RYR3: variants seen among roughly 807,000 people sequenced by gnomAD.
RYR3 encodes brain ryanodine receptor-calcium release channel.
Under a neutral mutation model 584.3 loss-of-function variants are expected in RYR3, and 207 were observed. The observed-to-expected ratio is 0.35, with a 90% CI of 0.32 to 0.40. The LOEUF (loss-of-function observed/expected upper bound fraction) is 0.40, where lower values mean the gene tolerates loss of function less well. Among genes scored for constraint, RYR3 ranks in the 10% least tolerant of loss-of-function variants. The pLI is 1.00. For missense variants in RYR3, 5,616 were observed against 6,089.2 expected (o/e 0.92, Z 2.59); for synonymous variants, 2,416 against 2,248.5 (o/e 1.07, Z -2.11).
chr15:33,767,787 T>A (rs543526722), intron 60 of RYR3, among the ~76,000 whole-genome samples: 1 of 152,322 alleles, frequency 6.6e-6, no homozygotes, highest in South Asian at 2.1e-4. Flanking sequence ...GCCATGCCAG[T>A]GTCAGTAATG....
intron 77 of RYR3, 42 bp from the exon 78 acceptor site, chr15:33,820,714 T>C (rs1293843312): frequency 9.7e-6 from 15 of 1,542,078 alleles, no homozygotes; most frequent in Non-Finnish European, 1.2e-5. Context: ...TCCCTTTAAT[T>C]TGATTGTCTG....
At chr15:33,355,438 G>A (rs1024059649) in intron 1 of RYR3, among the ~76,000 whole-genome samples, 9 of 152,136 alleles carry the variant, frequency 5.9e-5, no homozygotes, top group Admixed American at 2.0e-4. Context: ...CCTATGAGAT[G>A]TATGTTATTT....
chr15:33,561,265 A>T (rs919486184), intron 10 of RYR3, among the ~76,000 whole-genome samples: 1 of 152,334 alleles, frequency 6.6e-6, no homozygotes, highest in Middle Eastern at 3.4e-3. Context: ...TTACATTATG[A>T]TGTGCTAAGT....
At chr15:33,588,604 C>T (rs931493526) in intron 16 of RYR3, among the ~76,000 whole-genome samples, 4 of 152,010 alleles carry the variant, frequency 2.6e-5, no homozygotes, top group Admixed American at 6.6e-5. Flanking sequence ...CATCATTTAC[C>T]CCCTCCCACA....
chr15:33,785,688 G>A lies in RYR3; in HGVS notation c.9295G>A (p.Asp3099Asn). ...SILGMPDTVEDMCPDIPQLEG... is the reference protein window; with the variant it reads ...SILGMPDTVENMCPDIPQLEG... ...TCTGGGGATGCCAGACACGGTAGAA[G>A]ACATGTGTCCTGACATCCCCCAGCT... The change falls in exon 66 of 104, where the codon GAC becomes AAC. Residue 3099 changes from aspartate (D) to asparagine (N), a missense_variant. Transcript: ENST00000634891. 1 of 1,607,762 alleles carries A rather than the reference G, an allele frequency of 6.2e-7. No individual in the cohort carries two copies. The highest frequency in any genetic ancestry group is 8.5e-7 in the Non-Finnish European group (1 of 1,176,606).
intron 66 of RYR3, among the ~76,000 whole-genome samples, chr15:33,787,091 C>A: frequency 6.6e-6 from 1 of 152,204 alleles, no homozygotes; most frequent in African/African-American, 2.4e-5. Flanking sequence ...GAAAGTGTCA[C>A]AACGTGAAGG....
rs776461221 is a variant in RYR3, at chr15:33,586,059, G to A, written c.1731G>A (p.Ala577=). The A allele has an allele frequency of 6.2e-6, 10 of 1,613,462 alleles. No individual in the cohort carries two copies. Among genetic ancestry groups the A allele is most frequent in the South Asian group, 4.4e-5 (4 of 91,072 alleles). ...TESPEALNLI[A]EGHIKSIISL... Reference sequence around the variant, plus strand: ...GCCCAGAAGCCTTAAATCTGATAGCGGAGGGCCACATCAAGTCGATCATCT... The same window carrying A: ...GCCCAGAAGCCTTAAATCTGATAGCAGAGGGCCACATCAAGTCGATCATCT... Residue 577 remains alanine (A), a synonymous_variant, in exon 16 of 104, where the codon GCG becomes GCA. Transcript: ENST00000634891.
At chr15:33,642,174 A>T (rs2061866791) in intron 27 of RYR3, among the ~76,000 whole-genome samples, 1 of 152,160 alleles carries the variant, frequency 6.6e-6, no homozygotes, top group African/African-American at 2.4e-5. Flanking sequence ...TTACATTGTC[A>T]TTGGGTCTGT....
intron 4 of RYR3, 147 bp from the exon 5 acceptor site, chr15:33,533,164 T>G (rs76438409): frequency 0.031 from 18,220 of 590,914 alleles, 375 homozygotes; most frequent in Non-Finnish European, 0.042. Context: ...ATTAAGGCAT[T>G]TACCAATTAA....
intron 19 of RYR3, among the ~76,000 whole-genome samples, chr15:33,614,491 A>C (rs1271865439): frequency 6.6e-6 from 1 of 152,172 alleles, no homozygotes; most frequent in Non-Finnish European, 1.5e-5. Context: ...CTGATTTGGA[A>C]AAATTGTACC....
At chr15:33,639,557 TC>T (rs2061682656) in intron 27 of RYR3, among the ~76,000 whole-genome samples, 2 of 151,978 alleles carry the variant, frequency 1.3e-5, no homozygotes, top group Non-Finnish European at 2.9e-5. Flanking sequence ...AGCGCCTACC[TC>T]CCCCCACCCC....
At position 33,801,862 on chromosome 15, in the gene RYR3, C is replaced by T; in HGVS notation, c.9919-7C>T. On this transcript the variant is annotated splice_region_variant and splice_polypyrimidine_tract_variant and intron_variant, in intron 68 of 103. Transcript: ENST00000634891. ...AATGTTTGCTGTTTCAATTCTTTCC[C>T]ACTTAGAACTTCAAGAGAGAAGAGC... 1.4e-6 allele frequency: 2 copies of T among 1,445,604 alleles called. No individual in the cohort carries two copies. Among genetic ancestry groups the T allele is most frequent in the Non-Finnish European group, 1.9e-6 (2 of 1,046,894 alleles). 89.5% of individuals were successfully genotyped at this position (1,445,604 alleles called of 1,614,324 possible).
In RYR3 at chr15:33,645,885, G is replaced by T. The variant is rs373634966; in HGVS notation, c.3766-466G>T. Among the ~76,000 whole-genome samples the T allele has an allele frequency of 2.0e-5, 3 of 152,164 alleles. No homozygotes were observed. In the East Asian group the frequency reaches 5.8e-4, roughly 29 times the overall value. On this transcript the variant is annotated intron_variant, in intron 28 of 103. Coordinates refer to ENST00000634891, the MANE Select transcript of RYR3 (RefSeq NM_001036.6). ...TGTGGCAGAGATGAGAGCTGGGCTG[G>T]GTGGGGAGGGTGTCCTCCTCAGGAG...
At chr15:33,856,712 G>T in intron 98 of RYR3, 1 of 153,992 alleles carries the variant, frequency 6.5e-6, no homozygotes, top group Non-Finnish European at 1.4e-5. Context: ...AGGCTGAAGT[G>T]CAGTGGCGCG....
chr15:33,613,067 G>A (rs145402640), intron 18 of RYR3, 116 bp from the exon 19 acceptor site: 27 of 683,958 alleles, frequency 3.9e-5, no homozygotes, highest in East Asian at 1.4e-4. Context: ...TAGTACCTCC[G>A]GACCTCTTGA....
At chr15:33,504,237 G>A (rs189557201) in intron 3 of RYR3, among the ~76,000 whole-genome samples, 1 of 152,206 alleles carries the variant, frequency 6.6e-6, no homozygotes, top group Non-Finnish European at 1.5e-5. Context: ...GTACAGAATT[G>A]TCTTGAGTTT....
intron 1 of RYR3, among the ~76,000 whole-genome samples, chr15:33,337,564 A>ATTT (rs34484963): frequency 7.3e-5 from 11 of 151,230 alleles, no homozygotes; most frequent in African/African-American, 2.7e-4. Context: ...TCCAAGTGCC[A>ATTT]TTTTTTTTTG....
intron 38 of RYR3, among the ~76,000 whole-genome samples, chr15:33,686,653 T>C (rs1185159242): frequency 6.6e-6 from 1 of 152,182 alleles, no homozygotes; most frequent in Non-Finnish European, 1.5e-5. Flanking sequence ...ATACCCCTGA[T>C]GAACACTGAT....
chr15:33,778,770 G>A (rs4779647), intron 64 of RYR3, among the ~76,000 whole-genome samples: 24,197 of 152,160 alleles, frequency 0.16, 2,230 homozygotes, highest in South Asian at 0.27. Flanking sequence ...TGGGTGGGGA[G>A]GTTTTAGCAG....
Sources: allele counts gnomAD v4.1 joint callset (sites outside exome capture counted in the v4.1 genomes callset), GRCh38; gene constraint gnomAD v4.1.1; transcripts MANE v1.5; gene names NCBI Gene and HGNC (gene_info 2026-07-23, HGNC 2026-07-21).